The following RTCB variants were observed in gnomAD, a reference collection of about 807,000 sequenced individuals.
The protein encoded by RTCB is RNA-splicing ligase RTCB.
RTCB carries 32 observed loss-of-function variants against 58.2 expected under a neutral mutation model. The observed-to-expected ratio is 0.55, with a 90% CI of 0.41 to 0.74. The LOEUF (loss-of-function observed/expected upper bound fraction) is 0.74, where lower values mean the gene tolerates loss of function less well. Among genes scored for constraint, RTCB ranks in the 30% least tolerant of loss-of-function variants. The pLI is 0.00. For missense variants in RTCB, 523 were observed against 639.0 expected (o/e 0.82, Z 1.96); for synonymous variants, 247 against 218.6 (o/e 1.13, Z -1.15).
intron 5 of RTCB, among the ~76,000 whole-genome samples, chr22:32,400,277 G>C (rs995665784): frequency 6.6e-6 from 1 of 152,148 alleles, no homozygotes; most frequent in Non-Finnish European, 1.5e-5. Flanking sequence ...CATCTTCACA[G>C]AAGTTCTGAG....
chr22:32,407,441 G>C (rs1032906232), intron 3 of RTCB: 1 of 152,594 alleles, frequency 6.6e-6, no homozygotes, highest in Non-Finnish European at 1.5e-5. Flanking sequence ...TGTGGTGGGG[G>C]CTATGCTGTC....
At chr22:32,394,911 G>A in intron 9 of RTCB, 115 bp downstream of exon 9, 2 of 867,272 alleles carry the variant, frequency 2.3e-6, no homozygotes, top group Non-Finnish European at 3.6e-6. Flanking sequence ...GTTCTCATGA[G>A]TGACAGAGTA....
chr22:32,397,818 C>T, intron 7 of RTCB, 123 bp downstream of exon 7: 3 of 818,274 alleles, frequency 3.7e-6, no homozygotes, highest in South Asian at 2.6e-5. Flanking sequence ...TGAATTTGTC[C>T]AAGTTATTTA....
At chr22:32,410,722 CTTTT>C (rs5844994) in intron 1 of RTCB, among the ~76,000 whole-genome samples, 6 of 140,408 alleles carry the variant, frequency 4.3e-5, no homozygotes, top group Admixed American at 1.4e-4. Context: ...TTTTTCTTTT[CTTTT>C]TTTTTTTTTT....
chr22:32,408,286 T>C (rs1933462306), intron 2 of RTCB, 44 bp from the exon 3 acceptor site: 9 of 1,486,782 alleles, frequency 6.1e-6, no homozygotes, highest in Non-Finnish European at 8.4e-6. Flanking sequence ...CACACTTGAT[T>C]TTTAGCATGA....
At chr22:32,404,466 G>T (rs957433877) in intron 4 of RTCB, among the ~76,000 whole-genome samples, 12 of 152,152 alleles carry the variant, frequency 7.9e-5, no homozygotes, top group African/African-American at 2.7e-4. Context: ...GAGTGCAGCG[G>T]TGTGATCATA....
intron 3 of RTCB, 27 bp from the exon 4 acceptor site, chr22:32,406,788 C>T (rs1436995086): frequency 1.3e-6 from 2 of 1,531,290 alleles, no homozygotes; most frequent in East Asian, 2.3e-5. Context: ...AAATGAAATA[C>T]AAGTGTCTTG....
At chr22:32,408,696 T>C in intron 2 of RTCB, 59 bp downstream of exon 2, 1 of 1,282,706 alleles carries the variant, frequency 7.8e-7, no homozygotes, top group Non-Finnish European at 1.1e-6. Flanking sequence ...GTTGCCACTT[T>C]TTCAGGCCAC....
At chr22:32,399,829 C>G in intron 5 of RTCB, 70 bp from the exon 6 acceptor site, 1 of 1,406,410 alleles carries the variant, frequency 7.1e-7, no homozygotes, top group Non-Finnish European at 9.6e-7. Flanking sequence ...TGACCACATC[C>G]TTAAAGGGCA....
At chr22:32,407,666 C>T (rs1002685858) in intron 3 of RTCB, 1 of 152,666 alleles carries the variant, frequency 6.6e-6, no homozygotes, top group Non-Finnish European at 1.5e-5. Context: ...AAAACTACTT[C>T]GAAGGTTCTT....
At chr22:32,388,136 T>A (rs746519796) in intron 11 of RTCB, 37 bp from the exon 12 acceptor site, 1 of 1,284,508 alleles carries the variant, frequency 7.8e-7, no homozygotes, top group Admixed American at 1.7e-5. Context: ...ACAAGTCCAC[T>A]GAAAACACAG....
At chr22:32,397,139 G>C (rs943109778) in intron 7 of RTCB, among the ~76,000 whole-genome samples, 1 of 152,152 alleles carries the variant, frequency 6.6e-6, no homozygotes, top group Non-Finnish European at 1.5e-5. Flanking sequence ...AGAAGCCCCT[G>C]ACTCCTTCTT....
chr22:32,404,275 C>T (rs1260005179), intron 4 of RTCB, among the ~76,000 whole-genome samples: 1 of 152,200 alleles, frequency 6.6e-6, no homozygotes, highest in East Asian at 1.9e-4. Flanking sequence ...ACACTCCCTC[C>T]AATAGCATAG....
Position 32,401,789 on chromosome 22 carries a change from G to A in RTCB, c.455C>T (p.Pro152Leu). 6.2e-7 allele frequency: 1 copy of A among 1,613,938 alleles called. No homozygotes were observed. Among genetic ancestry groups the A allele is most frequent in the Non-Finnish European group, 8.5e-7 (1 of 1,179,856 alleles). ...QLAQAMFDHIPVGVGSKGVIP... is the reference protein window; with the variant it reads ...QLAQAMFDHILVGVGSKGVIP... ...GACACCTTTTGACCCCACCCCAACA[G>A]GAATGTGGTCAAACATAGCTTGGGC... Residue 152 changes from proline (P) to leucine (L), a missense_variant, in exon 5 of 12, where the codon CCT (proline) becomes CTT (leucine). By Grantham distance (98) the Pro-to-Leu change is moderately conservative. This residue lies in a region of RTCB where 141 missense variants were observed against 216.7 expected (regional missense o/e 0.65). Transcript: ENST00000216038.
At chr22:32,399,302 A>G (rs1028489862) in intron 6 of RTCB, among the ~76,000 whole-genome samples, 20 of 150,460 alleles carry the variant, frequency 1.3e-4, no homozygotes, top group African/African-American at 3.9e-4. Context: ...ATGCCTGGCT[A>G]ATTTTTTTTT....
chr22:32,411,541 C>T (rs1933524507), intron 1 of RTCB, among the ~76,000 whole-genome samples: 1 of 152,128 alleles, frequency 6.6e-6, no homozygotes, highest in African/African-American at 2.4e-5. Flanking sequence ...TCAAACAGGC[C>T]CTGCCCTGCG....
intron 10 of RTCB, 35 bp downstream of exon 10, chr22:32,393,857 G>A (rs374283841): frequency 7.1e-7 from 1 of 1,403,816 alleles, no homozygotes; most frequent in African/African-American, 1.4e-5. Flanking sequence ...CTAAACTGAA[G>A]AGAGCATTTC....
chr22:32,392,088 A>G lies in RTCB; in HGVS notation c.1410+152T>C, dbSNP rs566441221. On this transcript the variant is annotated intron_variant, in intron 11 of 11. Coordinates refer to ENST00000216038, the MANE Select transcript of RTCB (RefSeq NM_014306.5). ...GAAAACATAAAACTGAAATAAGCTA[A>G]TCCAAGGAAGATAAGCCAAAATTGA... 8.2e-5 allele frequency: 57 copies of G among 697,432 alleles called. No individual in the cohort carries two copies. In the South Asian group the frequency reaches 8.8e-4, roughly 11 times the overall value. 43.2% of individuals were successfully genotyped at this position (697,432 alleles called of 1,614,324 possible).
At position 32,399,623 on chromosome 22, in the gene RTCB, T is replaced by C; in HGVS notation, c.634A>G (p.Lys212Glu). ...ADPNKVSARA[K>E]KRGLPQLGTL... Reference sequence around the variant, plus strand: ...GTTACCTGAGGAAGGCCTCTTTTCTTCGCCCTTGCAGAAACTTTATTGGGG... The same window carrying C: ...GTTACCTGAGGAAGGCCTCTTTTCTCCGCCCTTGCAGAAACTTTATTGGGG... The change falls in exon 6 of 12, where the codon AAG becomes GAG. Residue 212 changes from lysine to glutamate, a missense_variant. By Grantham distance (56) the Lys-to-Glu change is moderately conservative (BLOSUM62 1). Transcript: ENST00000216038. 4 of 1,613,092 alleles carry C rather than the reference T, an allele frequency of 2.5e-6. No homozygotes were observed. The highest frequency in any genetic ancestry group is 3.4e-6 in the Non-Finnish European group (4 of 1,179,382).
Sources: gnomAD v4.1 joint callset for allele counts (sites outside exome capture counted in the v4.1 genomes callset) on GRCh38, gnomAD v4.1.1 for gene constraint, gnomAD v4.1.1 regional missense constraint, MANE v1.5 for transcripts, NCBI Gene and HGNC (gene_info 2026-07-23, HGNC 2026-07-21) for gene names.